SNX29: variants seen among roughly 807,000 people sequenced by gnomAD.
The protein encoded by SNX29 is sorting nexin-29.
SNX29 carries 78 observed loss-of-function variants against 102.1 expected under a neutral mutation model. The observed-to-expected ratio is 0.76, with a 90% CI of 0.64 to 0.92. The LOEUF (loss-of-function observed/expected upper bound fraction) is 0.92. Among genes scored for constraint, SNX29 ranks in the 40% least tolerant of loss-of-function variants. The pLI is 0.00. For synonymous variants in SNX29, 580 were observed against 414.5 expected, an observed-to-expected ratio of 1.40 and a Z score of -4.85; for missense variants, 1,280 against 1,061.7, an observed-to-expected ratio of 1.21 and a Z score of -2.86.
At chr16:12,216,112 G>A (rs1283349203) in intron 14 of SNX29, among the ~76,000 whole-genome samples, 2 of 152,134 alleles carry the variant, frequency 1.3e-5, no homozygotes, top group African/African-American at 4.8e-5. Context: ...AACAATTTGT[G>A]TTTTCTTTCT....
intron 12 of SNX29, among the ~76,000 whole-genome samples, chr16:12,127,633 G>A (rs1313369878): frequency 6.6e-6 from 1 of 152,060 alleles, no homozygotes; most frequent in East Asian, 1.9e-4. Context: ...GGTTGCCTAG[G>A]CTGGTCTTGA....
At chr16:12,445,110 C>G (rs1416483862) in intron 18 of SNX29, among the ~76,000 whole-genome samples, 11 of 151,964 alleles carry the variant, frequency 7.2e-5, no homozygotes, top group Admixed American at 7.2e-4. Flanking sequence ...CTCGGCCTCT[C>G]AAAGTGCTGG....
intron 18 of SNX29, among the ~76,000 whole-genome samples, chr16:12,472,892 C>T (rs985128626): frequency 6.6e-6 from 1 of 152,072 alleles, no homozygotes; most frequent in Non-Finnish European, 1.5e-5. Context: ...CCCCGATGCC[C>T]GATTACAGAT....
intron 16 of SNX29, among the ~76,000 whole-genome samples, chr16:12,392,569 A>G (rs2083566988): frequency 6.6e-6 from 1 of 152,106 alleles, no homozygotes; most frequent in South Asian, 2.1e-4. Context: ...TGTCCTCTAC[A>G]CCCTTGTTAT....
Position 12,559,039 on chromosome 16 carries a change from C to G in SNX29, c.2319-9467C>G, listed in dbSNP as rs548914771. On this transcript the variant is annotated intron_variant, in intron 20 of 20. Transcript: ENST00000566228. ...ACAAAAGACTCCTTTTAAGTAAATT[C>G]ACACATCGTAACTGCAATGTAGAGG... 1.4e-4 allele frequency among the ~76,000 whole-genome samples: 22 copies of G among 152,268 alleles called. No individual in the cohort carries two copies. The South Asian group carries it at 4.1e-3, about 29-fold the overall frequency.
At chr16:12,549,865 C>T (rs1403906549) in intron 20 of SNX29, among the ~76,000 whole-genome samples, 1 of 152,250 alleles carries the variant, frequency 6.6e-6, no homozygotes, top group African/African-American at 2.4e-5. Flanking sequence ...GTGAAACAGC[C>T]AAAGATGGTT....
chr16:12,087,745 G>A (rs1199419890), intron 11 of SNX29: 1 of 416,296 alleles, frequency 2.4e-6, no homozygotes, highest in African/African-American at 2.0e-5. Context: ...AGTCACTGAG[G>A]CAGAGGCCAA....
intron 3 of SNX29, among the ~76,000 whole-genome samples, chr16:12,013,543 C>CGAGAGAGAGAGA (rs1433909955): frequency 1.6e-5 from 1 of 61,876 alleles, no homozygotes; most frequent in African/African-American, 5.3e-5. Flanking sequence ...ATATATATAT[C>CGAGAGAGAGAGA]GAGAGAGGAG....
intron 18 of SNX29, among the ~76,000 whole-genome samples, chr16:12,427,443 C>CT (rs1424172435): frequency 1.3e-5 from 2 of 151,644 alleles, no homozygotes; most frequent in African/African-American, 4.8e-5. Context: ...TTTTGTTTTT[C>CT]TTTTTTTTAT....
chr16:12,246,266 CCT>C (rs1233655384), intron 14 of SNX29, among the ~76,000 whole-genome samples: 1 of 152,092 alleles, frequency 6.6e-6, no homozygotes, highest in African/African-American at 2.4e-5. Flanking sequence ...ATAATTTTCT[CCT>C]CCTTTCTGGG....
chr16:11,983,860 A>G (rs2055490153), intron 1 of SNX29: 1 of 278,978 alleles, frequency 3.6e-6, no homozygotes, highest in South Asian at 1.4e-4. Flanking sequence ...CATAGGCCGT[A>G]TATTTGCAGT....
intron 20 of SNX29, among the ~76,000 whole-genome samples, chr16:12,531,675 T>C (rs553316390): frequency 6.6e-6 from 1 of 152,080 alleles, no homozygotes; most frequent in Admixed American, 6.5e-5. Context: ...TGAGGCTGAA[T>C]ATCTGGGTGC....
chr16:12,381,805 GTCATCCATCCACCCACCCA>G (rs2083174483), intron 16 of SNX29, among the ~76,000 whole-genome samples: 1 of 93,092 alleles, frequency 1.1e-5, no homozygotes, highest in Admixed American at 1.1e-4. Flanking sequence ...TCTACCATCT[GTCATCCATCCACCCACCCA>G]TCATCCATCC....
intron 14 of SNX29, among the ~76,000 whole-genome samples, chr16:12,263,265 G>C (rs1410414554): frequency 6.6e-6 from 1 of 151,852 alleles, no homozygotes; most frequent in Non-Finnish European, 1.5e-5. Flanking sequence ...CTGAGTAGCT[G>C]GTATTATAGC....
chr16:12,075,091 T>C (rs2051487161), intron 10 of SNX29, among the ~76,000 whole-genome samples: 1 of 152,220 alleles, frequency 6.6e-6, no homozygotes, highest in Non-Finnish European at 1.5e-5. Context: ...GTTTTCAACT[T>C]CTTTGCCTTT....
At chr16:12,535,069 T>C (rs1448557694) in intron 20 of SNX29, among the ~76,000 whole-genome samples, 1 of 152,010 alleles carries the variant, frequency 6.6e-6, no homozygotes, top group Non-Finnish European at 1.5e-5. Context: ...GACTCCACAG[T>C]CAAGAAAAAG....
chr16:12,115,545 C>T (rs1402536965), intron 11 of SNX29, among the ~76,000 whole-genome samples: 1 of 150,382 alleles, frequency 6.6e-6, no homozygotes, highest in Non-Finnish European at 1.5e-5. Context: ...TAAGTGGAAT[C>T]ACTCTGTAAA....
chr16:12,085,493 AT>A (rs1462247455), intron 11 of SNX29, among the ~76,000 whole-genome samples: 1 of 152,108 alleles, frequency 6.6e-6, no homozygotes, highest in Non-Finnish European at 1.5e-5. Context: ...CACCCAGCTA[AT>A]TTTTGTATTT....
chr16:12,520,159 T>C (rs549788708), intron 19 of SNX29, among the ~76,000 whole-genome samples: 5 of 152,266 alleles, frequency 3.3e-5, no homozygotes, highest in African/African-American at 1.2e-4. Flanking sequence ...TCTGCACCTC[T>C]AGGGTCAGAG....
Sources: gnomAD v4.1 joint callset for allele counts (sites outside exome capture counted in the v4.1 genomes callset) on GRCh38, gnomAD v4.1.1 for gene constraint, MANE v1.5 for transcripts, NCBI Gene and HGNC (gene_info 2026-07-23, HGNC 2026-07-21) for gene names.